MYOF: variants seen among roughly 807,000 people sequenced by gnomAD.
The protein encoded by MYOF is fer-1-like 3, myoferlin.
A neutral mutation model predicts 284.2 loss-of-function variants in MYOF; 244 were observed. That is an observed-to-expected ratio of 0.86 (90% CI 0.77 to 0.95). The LOEUF (loss-of-function observed/expected upper bound fraction) is 0.95. Ranked by LOEUF, MYOF falls within the 40% of genes least tolerant of loss-of-function variation. MYOF has a pLI of 0.00. For synonymous variants in MYOF, 904 were observed against 919.7 expected, an observed-to-expected ratio of 0.98 and a Z score of 0.31; for missense variants, 2,496 against 2,560.6, an observed-to-expected ratio of 0.97 and a Z score of 0.54.
At chr10:93,329,878 A>G in intron 43 of MYOF, 44 bp from the exon 44 acceptor site, 1 of 1,599,204 alleles carries the variant, frequency 6.3e-7, no homozygotes, top group Middle Eastern at 1.7e-4. Context: ...GATCCATCTG[A>G]GTACCTCACA....
chr10:93,336,071 A>G, intron 40 of MYOF, 25 bp from the exon 41 acceptor site: 1 of 1,608,310 alleles, frequency 6.2e-7, no homozygotes, highest in Non-Finnish European at 8.5e-7. Flanking sequence ...CAGAGTCTTA[A>G]TTTCTCATTA....
chr10:93,479,426 T>A (rs77898303), intron 1 of MYOF, among the ~76,000 whole-genome samples: 26,214 of 151,998 alleles, frequency 0.17, 2,576 homozygotes, highest in East Asian at 0.51. Flanking sequence ...TGTTACTTAA[T>A]TTTACGCAGT....
chr10:93,461,009 C>A (rs988411229), intron 1 of MYOF, among the ~76,000 whole-genome samples: 1 of 149,946 alleles, frequency 6.7e-6, no homozygotes, highest in African/African-American at 2.5e-5. Flanking sequence ...GCAGGAGAAT[C>A]GCTTGAACCT....
At chr10:93,470,653 C>T (rs548338974) in intron 1 of MYOF, among the ~76,000 whole-genome samples, 7 of 152,236 alleles carry the variant, frequency 4.6e-5, no homozygotes, top group East Asian at 3.9e-4. Context: ...CTGCTCACCT[C>T]GGCCTCCCAA....
At chr10:93,363,510 T>A (rs940539995) in intron 27 of MYOF, among the ~76,000 whole-genome samples, 1 of 151,938 alleles carries the variant, frequency 6.6e-6, no homozygotes, top group African/African-American at 2.4e-5. Context: ...TACAAAAAAA[T>A]AAAAAATTAG....
intron 1 of MYOF, among the ~76,000 whole-genome samples, chr10:93,465,533 C>CTTTTTTTTTTTTTTTTTTTTTTTTTTTTT: frequency 1.9e-5 from 1 of 53,224 alleles, no homozygotes; most frequent in African/African-American, 5.3e-5. Context: ...TCTTTTTTTT[C>CTTTTTTTTTTTTTTTTTTTTTTTTTTTTT]TTTTCTTTTT....
At chr10:93,307,660 T>C (rs899342393) in intron 53 of MYOF, among the ~76,000 whole-genome samples, 3 of 150,452 alleles carry the variant, frequency 2.0e-5, no homozygotes, top group Non-Finnish European at 4.4e-5. Context: ...GTTTTGCACT[T>C]GTCACCCAGG....
At chr10:93,460,041 A>G (rs866726890) in intron 1 of MYOF, among the ~76,000 whole-genome samples, 10 of 152,300 alleles carry the variant, frequency 6.6e-5, no homozygotes, top group Middle Eastern at 3.4e-3. Flanking sequence ...AGGAGAAGGC[A>G]GAAAATAATG....
rs555516919 is a variant in MYOF at position 93,452,151 on chromosome 10, G to T, written c.145-10C>A. ...AGTCAAACTCCAAAATCTGTTCACAGAAAGGTTTTGAAAAAAGAGAAAAAA... is the reference window on the plus strand; with the variant it reads ...AGTCAAACTCCAAAATCTGTTCACATAAAGGTTTTGAAAAAAGAGAAAAAA... On this transcript the variant is annotated splice_polypyrimidine_tract_variant and intron_variant, in intron 2 of 53. Coordinates refer to ENST00000359263, the MANE Select transcript of MYOF (RefSeq NM_013451.4). 8.2e-6 allele frequency: 13 copies of T among 1,577,162 alleles called. No individual in the cohort carries two copies. The highest frequency in any genetic ancestry group is 1.1e-5 in the Non-Finnish European group (13 of 1,159,002).
chr10:93,354,763 T>C (rs960371496), intron 31 of MYOF, among the ~76,000 whole-genome samples: 24 of 150,544 alleles, frequency 1.6e-4, no homozygotes, highest in African/African-American at 5.8e-4. Flanking sequence ...ACTACCTGAG[T>C]TCAAATCTCT....
intron 22 of MYOF, 32 bp from the exon 23 acceptor site, chr10:93,374,987 A>C: frequency 6.3e-7 from 1 of 1,589,034 alleles, no homozygotes; most frequent in Non-Finnish European, 8.6e-7. Context: ...GAAACAGAGG[A>C]TTTGAAGAAT....
chr10:93,439,827 A>G (rs1245127216), intron 3 of MYOF, among the ~76,000 whole-genome samples: 1 of 152,218 alleles, frequency 6.6e-6, no homozygotes, highest in African/African-American at 2.4e-5. Flanking sequence ...AGCTGGTCTG[A>G]ATCAGCAGGG....
chr10:93,371,370 T>G lies in MYOF; in HGVS notation c.2457+1560A>C, dbSNP rs79823201. On this transcript the variant is annotated intron_variant, in intron 24 of 53. Transcript: ENST00000359263. ...TACTCCTCCCTTTTCCAACTACATA[T>G]CTATGTGACGCCAGATCCTTATCAT... 2.0e-3 allele frequency among the ~76,000 whole-genome samples: 311 copies of G among 152,288 alleles called. 1 individual carries two copies. The highest frequency in any genetic ancestry group is 6.8e-3 in the African/African-American group (281 of 41,562).
intron 4 of MYOF, among the ~76,000 whole-genome samples, 162 bp from the exon 5 acceptor site, chr10:93,426,320 G>C (rs984762679): frequency 1.3e-5 from 2 of 152,148 alleles, no homozygotes; most frequent in Non-Finnish European, 2.9e-5. Flanking sequence ...AAGCTCGACT[G>C]TTCCTATCCT....
At chr10:93,339,487 CAG>C (rs1326945952) in intron 39 of MYOF, among the ~76,000 whole-genome samples, 3 of 151,130 alleles carry the variant, frequency 2.0e-5, no homozygotes, top group East Asian at 2.0e-4. Context: ...TAAATTTTGA[CAG>C]AGTCTCGCTC....
At position 93,392,942 on chromosome 10, in the gene MYOF, C is replaced by T. The variant is rs11187410; in HGVS notation, c.1431G>A (p.Ser477=). Residue 477 remains serine (S), a synonymous_variant, in exon 17 of 54, where the codon TCG becomes TCA. Coordinates refer to ENST00000359263, the MANE Select transcript of MYOF (RefSeq NM_013451.4). ...SGGEVEDFSS[S]GTGAASYTVN... is the part of the protein sequence containing the mutation. Reference sequence around the variant, plus strand: ...CTGTATATGATGCAGCCCCAGTTCCCGAAGATGAGAAATCTATATAGTAAA... The same window carrying T: ...CTGTATATGATGCAGCCCCAGTTCCTGAAGATGAGAAATCTATATAGTAAA... The T allele has an allele frequency of 1.1e-5, 18 of 1,611,880 alleles. No individual in the cohort carries two copies. The highest frequency in any genetic ancestry group is 1.1e-4 in the African/African-American group (8 of 74,804).
intron 12 of MYOF, 97 bp from the exon 13 acceptor site, chr10:93,399,592 G>A (rs1009104484): frequency 1.2e-6 from 1 of 802,996 alleles, no homozygotes; most frequent in African/African-American, 1.7e-5. Context: ...AGTTGCAACA[G>A]GCTAGGCGCA....
intron 46 of MYOF, chr10:93,323,582 C>G (rs2761288): frequency 1.8e-6 from 1 of 544,726 alleles, no homozygotes; most frequent in African/African-American, 1.9e-5. Flanking sequence ...GGGTCTCTGA[C>G]GGCTGCACAT....
intron 50 of MYOF, 38 bp downstream of exon 50, chr10:93,316,676 C>G (rs771425001): frequency 6.5e-7 from 1 of 1,527,066 alleles, no homozygotes; most frequent in Admixed American, 1.7e-5. Context: ...ATTCCAAGTA[C>G]AGTTTCTTAG....
Sources: allele counts gnomAD v4.1 joint callset (sites outside exome capture counted in the v4.1 genomes callset), GRCh38; gene constraint gnomAD v4.1.1; transcripts MANE v1.5; gene names NCBI Gene and HGNC (gene_info 2026-07-23, HGNC 2026-07-21).